The following TIGAR variants were observed in gnomAD, a reference collection of about 807,000 sequenced individuals.
TIGAR encodes the protein fructose-2,6-bisphosphatase TIGAR.
A neutral mutation model predicts 17.9 loss-of-function variants in TIGAR; 7 were observed. The observed-to-expected ratio is 0.39, with a 90% CI of 0.22 to 0.73. The LOEUF is 0.73. Among genes scored for constraint, TIGAR ranks in the 30% least tolerant of loss-of-function variants. The pLI is 0.42. For missense variants in TIGAR, 258 were observed against 327.4 expected, an observed-to-expected ratio of 0.79 and a Z score of 1.64; for synonymous variants, 94 against 108.6, an observed-to-expected ratio of 0.87 and a Z score of 0.84.
chr12:4,339,389 CA>C (rs1864695689), intron 3 of TIGAR, among the ~76,000 whole-genome samples: 1 of 152,140 alleles, frequency 6.6e-6, no homozygotes, highest in Non-Finnish European at 1.5e-5. Context: ...TAACAAGTAC[CA>C]AGATTGAAGC....
At chr12:4,324,479 T>C in intron 1 of TIGAR, 2 of 1,602,576 alleles carry the variant, frequency 1.2e-6, no homozygotes, top group Non-Finnish European at 1.7e-6. Flanking sequence ...TGACTGATCA[T>C]CTCCGGCTTG....
chr12:4,350,189 T>C (rs1864823214), intron 4 of TIGAR, among the ~76,000 whole-genome samples: 1 of 152,246 alleles, frequency 6.6e-6, no homozygotes, highest in African/African-American at 2.4e-5. Flanking sequence ...GCATAATTTA[T>C]GTAACCTAGC....
intron 2 of TIGAR, among the ~76,000 whole-genome samples, chr12:4,332,852 T>C (rs898930379): frequency 7.2e-5 from 11 of 152,244 alleles, no homozygotes; most frequent in African/African-American, 2.7e-4. Flanking sequence ...TTACACACTT[T>C]ATTAGCTTTA....
At chr12:4,350,764 G>A (rs1864829351) in intron 4 of TIGAR, among the ~76,000 whole-genome samples, 3 of 148,034 alleles carry the variant, frequency 2.0e-5, no homozygotes, top group Non-Finnish European at 4.4e-5. Flanking sequence ...GTGACAGAGC[G>A]AGATTCCGTC....
At chr12:4,333,108 T>G (rs1453843619) in intron 2 of TIGAR, among the ~76,000 whole-genome samples, 1 of 152,174 alleles carries the variant, frequency 6.6e-6, no homozygotes, top group African/African-American at 2.4e-5. Flanking sequence ...TAGTGAGACT[T>G]TTGTCATAAA....
At chr12:4,331,775 ATTCT>A (rs1303389301) in intron 2 of TIGAR, among the ~76,000 whole-genome samples, 2 of 152,260 alleles carry the variant, frequency 1.3e-5, no homozygotes, top group Admixed American at 1.3e-4. Context: ...TTCTGAAGAG[ATTCT>A]TTCTCCCTTT....
At chr12:4,338,573 A>G (rs1398091987) in intron 3 of TIGAR, among the ~76,000 whole-genome samples, 1 of 152,196 alleles carries the variant, frequency 6.6e-6, no homozygotes, top group African/African-American at 2.4e-5. Flanking sequence ...AAATTGAAAC[A>G]TTTCTTGAAA....
chr12:4,328,470 G>A (rs1196372596), intron 1 of TIGAR, among the ~76,000 whole-genome samples: 5 of 152,010 alleles, frequency 3.3e-5, no homozygotes, highest in African/African-American at 1.2e-4. Context: ...GGGATTACAG[G>A]CATGAGCCAC....
At chr12:4,343,924 A>G (rs1864752058) in intron 3 of TIGAR, among the ~76,000 whole-genome samples, 1 of 152,194 alleles carries the variant, frequency 6.6e-6, no homozygotes, top group Non-Finnish European at 1.5e-5. Flanking sequence ...CCCTTCCAAA[A>G]ATCAATGAAT....
At chr12:4,322,188 G>A (rs1864488767) in intron 1 of TIGAR, among the ~76,000 whole-genome samples, 1 of 152,062 alleles carries the variant, frequency 6.6e-6, no homozygotes, top group African/African-American at 2.4e-5. Context: ...GTAGAGACAG[G>A]GTTTCGCCAT....
chr12:4,349,699 G>C, intron 3 of TIGAR, 120 bp from the exon 4 acceptor site: 1 of 761,150 alleles, frequency 1.3e-6, no homozygotes, highest in Non-Finnish European at 2.1e-6. Flanking sequence ...TTACAGGTGT[G>C]AGCCACCGTG....
Position 4,351,290 on chromosome 12 carries a change from A to G in TIGAR, c.294A>G (p.Lys98=), listed in dbSNP as rs1204070720. ...AGAAATACGGGGTTGTAGAAGGCAA[A>G]GCGCTAAGTGAGCTGAGGGCCATGG... ...RERKYGVVEG[K]ALSELRAMAK... The change falls in exon 5 of 6, where the codon AAA becomes AAG. Residue 98 remains lysine (K), a synonymous_variant. Coordinates refer to ENST00000179259, the MANE Select transcript of TIGAR (RefSeq NM_020375.3). The G allele has an allele frequency of 4.3e-6, 7 of 1,614,058 alleles. No homozygotes were observed. The highest frequency in any genetic ancestry group is 5.9e-6 in the Non-Finnish European group (7 of 1,180,018).
chr12:4,330,158 A>G (rs372977962), intron 1 of TIGAR, among the ~76,000 whole-genome samples: 6 of 151,714 alleles, frequency 4.0e-5, no homozygotes, highest in Non-Finnish European at 7.4e-5. Flanking sequence ...GGTCTGGTAG[A>G]TTTTTTTTTC....
intron 1 of TIGAR, among the ~76,000 whole-genome samples, chr12:4,322,668 ATTGACT>A (rs144905002): frequency 0.087 from 13,190 of 152,210 alleles, 651 homozygotes; most frequent in Non-Finnish European, 0.11. Context: ...AACTTTGTCA[ATTGACT>A]TTAACAGCTA....
At chr12:4,339,706 G>C (rs1345281791) in intron 3 of TIGAR, among the ~76,000 whole-genome samples, 1 of 152,110 alleles carries the variant, frequency 6.6e-6, no homozygotes, top group Non-Finnish European at 1.5e-5. Flanking sequence ...ACCTGACTGA[G>C]GGGGATTAAT....
chr12:4,350,168 A>T (rs1252149110), intron 4 of TIGAR, among the ~76,000 whole-genome samples: 1 of 152,256 alleles, frequency 6.6e-6, no homozygotes, highest in East Asian at 1.9e-4. Context: ...AAGGTGAAAA[A>T]TATGGATATT....
chr12:4,323,388 G>A (rs1864502845), intron 1 of TIGAR, among the ~76,000 whole-genome samples: 1 of 152,190 alleles, frequency 6.6e-6, no homozygotes, highest in Non-Finnish European at 1.5e-5. Context: ...TATAAATATG[G>A]ATTTTATTCC....
intron 1 of TIGAR, among the ~76,000 whole-genome samples, chr12:4,325,645 G>A (rs1864537831): frequency 6.6e-6 from 1 of 151,652 alleles, no homozygotes. Flanking sequence ...GGGAGGCTGA[G>A]GCAGGAGAAT....
At chr12:4,332,319 T>C (rs974839880) in intron 2 of TIGAR, among the ~76,000 whole-genome samples, 5 of 144,196 alleles carry the variant, frequency 3.5e-5, no homozygotes, top group Admixed American at 7.3e-5. Context: ...CTCGGCTCAC[T>C]GCAACCTCCG....
Sources: allele counts gnomAD v4.1 joint callset (sites outside exome capture counted in the v4.1 genomes callset), GRCh38; gene constraint gnomAD v4.1.1; transcripts MANE v1.5; gene names NCBI Gene and HGNC (gene_info 2026-07-23, HGNC 2026-07-21).